LAP3: variants seen among roughly 807,000 people sequenced by gnomAD.
LAP3 encodes cytosol aminopeptidase.
LAP3 carries 46 observed loss-of-function variants against 58.8 expected under a neutral mutation model. The ratio of observed to expected loss-of-function variants is 0.78; its 90% CI spans 0.62 to 1.00. LAP3 has a LOEUF of 1.00. LAP3 is among the 50% of genes least tolerant of loss of function. LAP3 has a pLI of 0.00. For synonymous variants in LAP3, 257 were observed against 237.7 expected, an observed-to-expected ratio of 1.08 and a Z score of -0.75; for missense variants, 615 against 659.1, an observed-to-expected ratio of 0.93 and a Z score of 0.73.
chr4:17,601,255 C>T (rs908908713), intron 10 of LAP3, among the ~76,000 whole-genome samples: 1 of 152,114 alleles, frequency 6.6e-6, no homozygotes, highest in Non-Finnish European at 1.5e-5. Flanking sequence ...GGAAGTATGC[C>T]TCTGCTACTA....
intron 8 of LAP3, 130 bp downstream of exon 8, chr4:17,595,664 T>A: frequency 9.4e-7 from 1 of 1,059,770 alleles, no homozygotes; most frequent in Non-Finnish European, 1.4e-6. Flanking sequence ...CATCAAGCAG[T>A]AGCTATTTAG....
At chr4:17,581,925 A>T in intron 3 of LAP3, 111 bp downstream of exon 3, 1 of 904,138 alleles carries the variant, frequency 1.1e-6, no homozygotes. Context: ...GTATGATTTT[A>T]TTCCACTATT....
chr4:17,607,327 T>C (rs1714166471), intron 12 of LAP3, 73 bp from the exon 13 acceptor site: 3 of 1,338,932 alleles, frequency 2.2e-6, no homozygotes, highest in Admixed American at 2.1e-5. Context: ...TTATAGAATG[T>C]ACTTAGCAAA....
rs771938274 is a variant in LAP3, at chr4:17,579,957, G to T, written c.218+18G>T. On this transcript the variant is annotated intron_variant, in intron 2 of 12. Transcript: ENST00000226299. The stretch of plus-strand genomic sequence containing the variant: ...TTGAACATGTAAGTGTTGCTTGTGG[G>T]CTCTAGTTCTTAAAGTGCCCCCAAA... 9 of 1,415,712 alleles carry T rather than the reference G, an allele frequency of 6.4e-6. No individual in the cohort carries two copies. Among genetic ancestry groups the T allele is most frequent in the Non-Finnish European group, 6.9e-6 (7 of 1,011,368 alleles). 87.7% of individuals were successfully genotyped at this position (1,415,712 alleles called of 1,614,324 possible).
rs1218027315 is a variant in LAP3, at chr4:17,588,991, T to C, written c.863+14T>C. Reference sequence around the variant, plus strand: ...TACCTTTGACAGGTATTTTTTATGGTGTCCGTGCTTTGTATTTTGGTGAAT... The same window carrying C: ...TACCTTTGACAGGTATTTTTTATGGCGTCCGTGCTTTGTATTTTGGTGAAT... On this transcript the variant is annotated intron_variant, in intron 7 of 12. Transcript: ENST00000226299. 1 of 1,607,276 alleles carries C rather than the reference T, an allele frequency of 6.2e-7. No individual in the cohort carries two copies. Among genetic ancestry groups the C allele is most frequent in the African/African-American group, 1.3e-5 (1 of 74,780 alleles).
In LAP3 at chr4:17,602,992, A is replaced by G. The variant is rs116736847; in HGVS notation, c.1181-1596A>G. ...CCACCGCGCCCAGCCAAAGAGGAATAGGATAAATTTTTAAAGCATAAAAGG... is the reference window on the plus strand; with the variant it reads ...CCACCGCGCCCAGCCAAAGAGGAATGGGATAAATTTTTAAAGCATAAAAGG... On this transcript the variant is annotated intron_variant, in intron 10 of 12. Coordinates refer to ENST00000226299, the MANE Select transcript of LAP3 (RefSeq NM_015907.3). 9.1e-3 allele frequency among the ~76,000 whole-genome samples: 1,371 copies of G among 151,340 alleles called. 25 individuals carry two copies. The highest frequency in any genetic ancestry group is 0.032 in the African/African-American group (1,324 of 41,350).
At chr4:17,584,195 C>T (rs1432279145) in intron 5 of LAP3, among the ~76,000 whole-genome samples, 3 of 152,260 alleles carry the variant, frequency 2.0e-5, no homozygotes, top group Non-Finnish European at 4.4e-5. Context: ...TGCAGCCAGT[C>T]AGCATGGGCT....
intron 2 of LAP3, among the ~76,000 whole-genome samples, chr4:17,581,262 C>T (rs950403209): frequency 2.0e-5 from 3 of 152,200 alleles, no homozygotes; most frequent in African/African-American, 7.2e-5. Flanking sequence ...TGTCTTGTGG[C>T]TTTTATTGAA....
chr4:17,585,354 A>G (rs1289715121), intron 6 of LAP3: 3 of 420,848 alleles, frequency 7.1e-6, no homozygotes, highest in Non-Finnish European at 1.3e-5. Flanking sequence ...TATACTATGT[A>G]TGTGTATATT....
At chr4:17,586,680 C>G (rs1203765285) in intron 6 of LAP3, among the ~76,000 whole-genome samples, 1 of 152,144 alleles carries the variant, frequency 6.6e-6, no homozygotes, top group African/African-American at 2.4e-5. Context: ...TATGAAGCTG[C>G]TGGTGCGATT....
chr4:17,599,498 T>C (rs930015037), intron 10 of LAP3, among the ~76,000 whole-genome samples: 1 of 152,128 alleles, frequency 6.6e-6, no homozygotes, highest in African/African-American at 2.4e-5. Context: ...ATCATGCCAC[T>C]GCACTCCAGC....
intron 2 of LAP3, among the ~76,000 whole-genome samples, chr4:17,580,986 A>C (rs776725253): frequency 6.6e-6 from 1 of 152,236 alleles, no homozygotes; most frequent in Non-Finnish European, 1.5e-5. Flanking sequence ...CAGTTCTTGT[A>C]GTACACAGAG....
intron 6 of LAP3, among the ~76,000 whole-genome samples, chr4:17,586,918 C>T (rs1713530087): frequency 1.3e-5 from 2 of 152,138 alleles, no homozygotes; most frequent in Admixed American, 1.3e-4. Context: ...CCAGCCTGGC[C>T]AACATGGCGA....
chr4:17,597,824 C>T (rs1381869269), intron 9 of LAP3, among the ~76,000 whole-genome samples: 1 of 152,154 alleles, frequency 6.6e-6, no homozygotes, highest in Non-Finnish European at 1.5e-5. Flanking sequence ...ACATCATGGG[C>T]CCTGCACTGA....
Position 17,595,160 on chromosome 4 carries a change from A to C in LAP3, c.864-250A>C, listed in dbSNP as rs904959760. Among the ~76,000 whole-genome samples the C allele has an allele frequency of 2.0e-5, 3 of 149,580 alleles. No individual in the cohort carries two copies. The East Asian group carries it at 6.2e-4, about 31-fold the overall frequency. ...AAAATCACAAAAAAATTAGCCAGGC[A>C]TGGTGGCAGCTGGGACTACAGGCGC... On this transcript the variant is annotated intron_variant, in intron 7 of 12. Transcript: ENST00000226299.
intron 10 of LAP3, among the ~76,000 whole-genome samples, chr4:17,599,364 T>A (rs1407502741): frequency 6.6e-6 from 1 of 151,984 alleles, no homozygotes; most frequent in African/African-American, 2.4e-5. Context: ...TGGTGAAACC[T>A]TGTCTCTACT....
intron 4 of LAP3, 162 bp from the exon 5 acceptor site, chr4:17,583,321 T>G: frequency 2.6e-6 from 2 of 759,040 alleles, no homozygotes; most frequent in South Asian, 1.7e-5. Flanking sequence ...ACTCACGTCT[T>G]CATTTTACAG....
At chr4:17,601,398 T>A (rs1195348711) in intron 10 of LAP3, among the ~76,000 whole-genome samples, 4 of 152,204 alleles carry the variant, frequency 2.6e-5, no homozygotes, top group Admixed American at 2.0e-4. Context: ...CCATTTTTTA[T>A]TACTTTAAGG....
intron 2 of LAP3, among the ~76,000 whole-genome samples, chr4:17,580,185 T>TATATATATATATATA: frequency 1.6e-4 from 5 of 32,028 alleles, no homozygotes; most frequent in South Asian, 8.5e-4. Flanking sequence ...TATATATGTA[T>TATATATATATATATA]TTTTTTTTTT....
Sources: gnomAD v4.1 joint callset for allele counts (sites outside exome capture counted in the v4.1 genomes callset) on GRCh38, gnomAD v4.1.1 for gene constraint, MANE v1.5 for transcripts, NCBI Gene and HGNC (gene_info 2026-07-23, HGNC 2026-07-21) for gene names.